Variants in MED13 observed in about 807,000 individuals in gnomAD.
The protein encoded by MED13 is mediator of RNA polymerase II transcription subunit 13.
In MED13, 23 loss-of-function variants were observed where a neutral mutation model predicts 225.2. The observed-to-expected ratio is 0.10, with a 90% CI of 0.07 to 0.14. The LOEUF (loss-of-function observed/expected upper bound fraction) is 0.14, where lower values mean the gene tolerates loss of function less well. Ranked by LOEUF, MED13 falls within the 10% of genes least tolerant of loss-of-function variation. The pLI, the probability that MED13 is intolerant of heterozygous loss-of-function variation, is 1.00. For synonymous variants in MED13, 942 were observed against 889.2 expected, an observed-to-expected ratio of 1.06 and a Z score of -1.06; for missense variants, 2,197 against 2,594.5, an observed-to-expected ratio of 0.85 and a Z score of 3.33.
At chr17:61,981,868 C>G (rs560356107) in intron 16 of MED13, among the ~76,000 whole-genome samples, 7 of 152,312 alleles carry the variant, frequency 4.6e-5, no homozygotes, top group African/African-American at 1.4e-4. Context: ...TAATACCTGG[C>G]ACATACAAGG....
At chr17:62,040,481 T>C (rs529007459) in intron 3 of MED13, among the ~76,000 whole-genome samples, 105 of 152,224 alleles carry the variant, frequency 6.9e-4, no homozygotes, top group Non-Finnish European at 1.4e-3. Flanking sequence ...GACGTGCTTA[T>C]AGATTAAAGC....
chr17:61,980,414 A>T (rs968413078), intron 16 of MED13, among the ~76,000 whole-genome samples: 1 of 152,078 alleles, frequency 6.6e-6, no homozygotes, highest in Non-Finnish European at 1.5e-5. Flanking sequence ...AAATTTTTCT[A>T]TCTCCAGACC....
intron 12 of MED13, among the ~76,000 whole-genome samples, chr17:61,985,640 CA>C (rs2080241099): frequency 6.6e-6 from 1 of 151,966 alleles, no homozygotes; most frequent in Admixed American, 6.5e-5. Context: ...CACTGCACTC[CA>C]GCATGGGCAA....
At chr17:61,979,703 T>C (rs960691437) in intron 16 of MED13, among the ~76,000 whole-genome samples, 1 of 152,290 alleles carries the variant, frequency 6.6e-6, no homozygotes, top group Non-Finnish European at 1.5e-5. Context: ...TTCTCTGCTA[T>C]TTACAGCAAA....
At position 61,968,348 on chromosome 17, in the gene MED13, C is replaced by T. The variant is rs1434223149; in HGVS notation, c.3968-90G>A. ...TTATTTATTTATTTATTTTTTGAGA[C>T]AGAGTCTCGCTCTGTCGCCCAGACT... On this transcript the variant is annotated intron_variant, in intron 17 of 29. Transcript: ENST00000397786. 2.7e-5 allele frequency: 26 copies of T among 972,396 alleles called. No individual in the cohort carries two copies. The Admixed American group carries it at 8.9e-4, about 33-fold the overall frequency. The allele number at this position is 972,396 out of a possible 1,614,324, so 60.2% of individuals were successfully genotyped here. A position where few individuals can be genotyped will look rare whatever the true frequency, so the allele number is the denominator to read the frequency against.
At chr17:62,044,480 C>A (rs1355155540) in intron 3 of MED13, among the ~76,000 whole-genome samples, 4 of 152,180 alleles carry the variant, frequency 2.6e-5, no homozygotes, top group Non-Finnish European at 5.9e-5. Flanking sequence ...AAGTTTTTTA[C>A]TACTAATTCC....
At chr17:61,993,813 C>T (rs2080323603) in intron 10 of MED13, among the ~76,000 whole-genome samples, 1 of 151,810 alleles carries the variant, frequency 6.6e-6, no homozygotes, top group South Asian at 2.1e-4. Context: ...TGCCTGTAAT[C>T]TCAGCTACTA....
At chr17:61,959,242 T>C (rs2079976221) in intron 23 of MED13, among the ~76,000 whole-genome samples, 2 of 152,204 alleles carry the variant, frequency 1.3e-5, no homozygotes, top group South Asian at 4.1e-4. Flanking sequence ...CTCGAACTCC[T>C]GACCTCAGGT....
At chr17:62,016,245 C>CT (rs1468699687) in intron 8 of MED13, among the ~76,000 whole-genome samples, 1 of 148,966 alleles carries the variant, frequency 6.7e-6, no homozygotes, top group Admixed American at 6.7e-5. Context: ...TTTCCTCATG[C>CT]TGTTGCCCAG....
At chr17:62,000,744 G>A (rs575541747) in intron 9 of MED13, among the ~76,000 whole-genome samples, 2 of 152,154 alleles carry the variant, frequency 1.3e-5, no homozygotes, top group East Asian at 3.9e-4. Flanking sequence ...TTCATAAGGT[G>A]TATCAATAGT....
rs551620804 is a variant in MED13 at position 62,031,532 on chromosome 17, A to G, written c.921T>C (p.Gly307=). ...GSTHCSSSCL[G]VHQVPASTRD... Reference sequence around the variant, plus strand: ...TTGTGGAAGCAGGCACTTGGTGGACACCCAAGCAAGAAGATGAACAGTGAG... The same window carrying G: ...TTGTGGAAGCAGGCACTTGGTGGACGCCCAAGCAAGAAGATGAACAGTGAG... Residue 307 remains glycine, a synonymous_variant, in exon 6 of 30, where the codon GGT becomes GGC. Transcript: ENST00000397786. 3.1e-6 allele frequency: 5 copies of G among 1,614,018 alleles called. No homozygotes were observed. In the South Asian group the frequency reaches 5.5e-5, roughly 18 times the overall value.
intron 3 of MED13, among the ~76,000 whole-genome samples, chr17:62,040,145 G>A (rs2080841202): frequency 6.6e-6 from 1 of 152,130 alleles, no homozygotes; most frequent in Non-Finnish European, 1.5e-5. Flanking sequence ...TACTAACATA[G>A]TAAATTCAGA....
At chr17:62,009,202 T>C (rs1195777559) in intron 9 of MED13, among the ~76,000 whole-genome samples, 1 of 152,194 alleles carries the variant, frequency 6.6e-6, no homozygotes. Flanking sequence ...AAAAGGCTTA[T>C]TAGACAGACT....
rs2079838574 is a variant in MED13 at position 61,944,564 on chromosome 17, T to C, written c.*1904A>G. 6.6e-6 allele frequency: 1 copy of C among 152,144 alleles called. No individual in the cohort carries two copies. The highest frequency in any genetic ancestry group is 1.5e-5 in the Non-Finnish European group (1 of 68,022). 9.4% of individuals were successfully genotyped at this position (152,144 alleles called of 1,614,324 possible). On this transcript the variant is annotated 3_prime_UTR_variant, in exon 30 of 30. Coordinates refer to ENST00000397786, the MANE Select transcript of MED13 (RefSeq NM_005121.3). Reference sequence around the variant, plus strand: ...TTTGTCACCAATTGTGTTTGCTTCATAGAAAAAACAAGACTTGCTAATGTT... The same window carrying C: ...TTTGTCACCAATTGTGTTTGCTTCACAGAAAAAACAAGACTTGCTAATGTT...
chr17:62,045,017 A>T (rs2080886843), intron 3 of MED13, among the ~76,000 whole-genome samples: 1 of 149,892 alleles, frequency 6.7e-6, no homozygotes. Context: ...CAGTAAATAT[A>T]TCAAAAAAGA....
chr17:61,970,103 G>A (rs1466887847), intron 17 of MED13, among the ~76,000 whole-genome samples: 1 of 152,140 alleles, frequency 6.6e-6, no homozygotes, highest in African/African-American at 2.4e-5. Context: ...AAAGCTCTTT[G>A]CATGTACTAA....
intron 9 of MED13, among the ~76,000 whole-genome samples, chr17:62,002,565 TC>T (rs532888003): frequency 1.5e-3 from 218 of 148,236 alleles, no homozygotes; most frequent in African/African-American, 5.2e-3. Context: ...ACAGGGAACA[TC>T]ATCTAACTTT....
intron 8 of MED13, among the ~76,000 whole-genome samples, chr17:62,017,562 G>A (rs1209925109): frequency 6.6e-6 from 1 of 152,124 alleles, no homozygotes; most frequent in East Asian, 1.9e-4. Context: ...CATCAAAACA[G>A]TATCTGACTT....
chr17:61,946,338 A>T lies in MED13; in HGVS notation c.*130T>A. On this transcript the variant is annotated 3_prime_UTR_variant, in exon 30 of 30. Transcript: ENST00000397786. The stretch of plus-strand genomic sequence containing the variant: ...GCCCCTCCCCCCAAGTCAAAACAAT[A>T]TTTGTTGAAGTAATAAGAATTAGAC... 3 of 1,109,024 alleles carry T rather than the reference A, an allele frequency of 2.7e-6. No homozygotes were observed. Among genetic ancestry groups the T allele is most frequent in the Non-Finnish European group, 3.8e-6 (3 of 796,198 alleles). The allele number at this position is 1,109,024 out of a possible 1,614,324, so 68.7% of individuals were successfully genotyped here. A position where few individuals can be genotyped will look rare whatever the true frequency, so the allele number is the denominator to read the frequency against.
Sources: gnomAD v4.1 joint callset for allele counts (sites outside exome capture counted in the v4.1 genomes callset) on GRCh38, gnomAD v4.1.1 for gene constraint, MANE v1.5 for transcripts, NCBI Gene and HGNC (gene_info 2026-07-23, HGNC 2026-07-21) for gene names.